Variants in GRHL2 observed in about 807,000 individuals in gnomAD.
GRHL2 encodes grainyhead-like protein 2 homolog.
Under a neutral mutation model 83.8 loss-of-function variants are expected in GRHL2, and 21 were observed. That is an observed-to-expected ratio of 0.25 (90% CI 0.18 to 0.36). GRHL2 has a LOEUF of 0.36. Ranked by LOEUF, GRHL2 falls within the 10% of genes least tolerant of loss-of-function variation. The pLI is 1.00. For synonymous variants in GRHL2, 280 were observed against 278.9 expected, an observed-to-expected ratio of 1.00 and a Z score of -0.04; for missense variants, 623 against 781.8, an observed-to-expected ratio of 0.80 and a Z score of 2.42.
At chr8:101,620,557 T>C (rs1055070190) in intron 9 of GRHL2, among the ~76,000 whole-genome samples, 1 of 151,662 alleles carries the variant, frequency 6.6e-6, no homozygotes, top group East Asian at 1.9e-4. Flanking sequence ...CCCAAAAGAG[T>C]TGAAAAATGT....
chr8:101,658,211 G>T (rs1345846717), intron 14 of GRHL2, among the ~76,000 whole-genome samples: 1 of 152,218 alleles, frequency 6.6e-6, no homozygotes, highest in Non-Finnish European at 1.5e-5. Context: ...AGAGGTTTCT[G>T]CCAGTTGCTT....
At chr8:101,561,098 T>G (rs1330565113) in intron 4 of GRHL2, among the ~76,000 whole-genome samples, 1 of 152,082 alleles carries the variant, frequency 6.6e-6, no homozygotes, top group Non-Finnish European at 1.5e-5. Context: ...TTTGTTTTTC[T>G]TTAGATGTTT....
chr8:101,664,713 A>G (rs1476791418), intron 15 of GRHL2, among the ~76,000 whole-genome samples, 195 bp downstream of exon 15: 1 of 152,074 alleles, frequency 6.6e-6, no homozygotes, highest in Non-Finnish European at 1.5e-5. Flanking sequence ...GAGGCAGTGC[A>G]CTGGCACTAT....
At chr8:101,590,971 A>T (rs918517410) in intron 7 of GRHL2, among the ~76,000 whole-genome samples, 1 of 152,156 alleles carries the variant, frequency 6.6e-6, no homozygotes, top group African/African-American at 2.4e-5. Flanking sequence ...GGTAGTTATA[A>T]TTTACCAAGC....
intron 1 of GRHL2, among the ~76,000 whole-genome samples, chr8:101,521,842 A>T (rs1810692160): frequency 6.6e-6 from 1 of 152,218 alleles, no homozygotes; most frequent in African/African-American, 2.4e-5. Context: ...TAATAAGCTG[A>T]CTTGAACTAA....
chr8:101,608,621 T>C (rs1317767631), intron 8 of GRHL2, among the ~76,000 whole-genome samples: 2 of 150,060 alleles, frequency 1.3e-5, no homozygotes, highest in East Asian at 3.9e-4. Flanking sequence ...ATTTTATTTT[T>C]TAAAATTTCA....
At chr8:101,583,317 T>C (rs948430994) in intron 7 of GRHL2, among the ~76,000 whole-genome samples, 4 of 152,110 alleles carry the variant, frequency 2.6e-5, no homozygotes, top group African/African-American at 9.7e-5. Flanking sequence ...AAGGCATGAA[T>C]TGCAAAGGAG....
rs1041226003 is a variant in GRHL2 at position 101,583,750 on chromosome 8, T to G, written c.1003+6231T>G. Among the ~76,000 whole-genome samples the G allele has an allele frequency of 3.3e-5, 5 of 152,228 alleles. No individual in the cohort carries two copies. In the South Asian group the frequency reaches 8.3e-4, roughly 25 times the overall value. On this transcript the variant is annotated intron_variant, in intron 7 of 15. Transcript: ENST00000646743. ...ATAGTGGATAATTCCAAAACCACGT[T>G]CTCGGGAAGGCATATTTTTCTATTT...
intron 12 of GRHL2, 112 bp from the exon 13 acceptor site, chr8:101,644,019 C>T (rs575652798): frequency 1.1e-5 from 10 of 915,142 alleles, no homozygotes; most frequent in African/African-American, 8.2e-5. Flanking sequence ...GATCCAGTTA[C>T]GGAGCATAGG....
At chr8:101,570,923 G>A (rs1321997459) in intron 5 of GRHL2, among the ~76,000 whole-genome samples, 1 of 152,166 alleles carries the variant, frequency 6.6e-6, no homozygotes, top group African/African-American at 2.4e-5. Flanking sequence ...CTGAGCTATT[G>A]CAATACATTG....
At chr8:101,679,568 C>G in the GRHL2 span, among the ~76,000 whole-genome samples, 22 of 150,288 alleles carry the variant, frequency 1.5e-4, no homozygotes, top group Admixed American at 1.3e-3. Context: ...TCAGGAAATA[C>G]AGAGAACGTC....
intron 7 of GRHL2, among the ~76,000 whole-genome samples, chr8:101,584,246 T>C (rs1053058990): frequency 1.3e-5 from 2 of 152,218 alleles, no homozygotes; most frequent in Non-Finnish European, 2.9e-5. Flanking sequence ...ATTTCAGTTA[T>C]TAGCATATGA....
intron 8 of GRHL2, among the ~76,000 whole-genome samples, chr8:101,618,696 T>G (rs1812903229): frequency 6.6e-6 from 1 of 152,080 alleles, no homozygotes; most frequent in African/African-American, 2.4e-5. Flanking sequence ...ATTGAGTGCT[T>G]ATTTTCCTCC....
At chr8:101,494,471 T>C (rs961004664) in intron 1 of GRHL2, among the ~76,000 whole-genome samples, 1 of 151,530 alleles carries the variant, frequency 6.6e-6, no homozygotes, top group African/African-American at 2.4e-5. Context: ...AAGAGGAGAG[T>C]GTGTGGTTGT....
chr8:101,665,134 G>A (rs2129771364), intron 15 of GRHL2, among the ~76,000 whole-genome samples: 1 of 152,286 alleles, frequency 6.6e-6, no homozygotes, highest in African/African-American at 2.4e-5. Flanking sequence ...GCCAGAGGGG[G>A]CTTAAGCATG....
At chr8:101,510,091 G>C (rs1227137761) in intron 1 of GRHL2, among the ~76,000 whole-genome samples, 1 of 152,244 alleles carries the variant, frequency 6.6e-6, no homozygotes, top group East Asian at 1.9e-4. Flanking sequence ...CCCAGGCCCA[G>C]ATGATCTTCC....
At chr8:101,638,979 G>A (rs971355498) in intron 12 of GRHL2, among the ~76,000 whole-genome samples, 3 of 151,910 alleles carry the variant, frequency 2.0e-5, no homozygotes, top group Admixed American at 6.6e-5. Flanking sequence ...AGCATCTTGC[G>A]TAAGATCTCG....
At chr8:101,633,888 G>A (rs1813234309) in intron 11 of GRHL2, among the ~76,000 whole-genome samples, 1 of 152,132 alleles carries the variant, frequency 6.6e-6, no homozygotes, top group African/African-American at 2.4e-5. Flanking sequence ...TCTGGCCTCA[G>A]TTCCATGTCA....
intron 7 of GRHL2, among the ~76,000 whole-genome samples, chr8:101,587,939 T>G (rs963183277): frequency 6.6e-6 from 1 of 152,242 alleles, no homozygotes; most frequent in Non-Finnish European, 1.5e-5. Context: ...TTTTCTTCCT[T>G]GTTTACAAAA....
Sources: allele counts gnomAD v4.1 joint callset (sites outside exome capture counted in the v4.1 genomes callset), GRCh38; gene constraint gnomAD v4.1.1; transcripts MANE v1.5; gene names NCBI Gene and HGNC (gene_info 2026-07-23, HGNC 2026-07-21).